BTBD9: variants seen among roughly 807,000 people sequenced by gnomAD.
BTBD9 encodes BTB/POZ domain-containing protein 9.
In BTBD9, 49 loss-of-function variants were observed where a neutral mutation model predicts 64.3. The observed-to-expected ratio is 0.76, with a 90% CI of 0.61 to 0.97. BTBD9 has a LOEUF of 0.97. Among genes scored for constraint, BTBD9 ranks in the 50% least tolerant of loss-of-function variants. The pLI is 0.00. For synonymous variants in BTBD9, 260 were observed against 274.7 expected (o/e 0.95, Z 0.53); for missense variants, 598 against 762.1 (o/e 0.78, Z 2.53).
At chr6:38,265,040 A>G (rs1048886810) in intron 8 of BTBD9, among the ~76,000 whole-genome samples, 1 of 152,100 alleles carries the variant, frequency 6.6e-6, no homozygotes, top group African/African-American at 2.4e-5. Context: ...ATAATGTTTA[A>G]TCTCTCATAT....
At chr6:38,197,237 C>T (rs1561860305) in intron 9 of BTBD9, among the ~76,000 whole-genome samples, 1 of 152,128 alleles carries the variant, frequency 6.6e-6, no homozygotes, top group Non-Finnish European at 1.5e-5. Flanking sequence ...AATCTGAATC[C>T]CATTTCAGAG....
At position 38,287,107 on chromosome 6, in the gene BTBD9, T is replaced by TATACACACAC. The variant is rs1554135418; in HGVS notation, c.1454+1155_1454+1164dup. On this transcript the variant is annotated intron_variant, in intron 8 of 10. Coordinates refer to ENST00000481247, the MANE Select transcript of BTBD9 (RefSeq NM_001099272.2). ...CAAAAAAAAAAAAAAAAAAAAAAAA[T>TATACACACAC]ATACACACACACACACACACACACA... 6.9e-5 allele frequency among the ~76,000 whole-genome samples: 4 copies of TATACACACAC among 57,566 alleles called. No individual in the cohort carries two copies. In the Admixed American group the frequency reaches 8.4e-4, roughly 12 times the overall value. The allele number at this position is 57,566 out of a possible 152,430, so 37.8% of individuals were successfully genotyped here.
intron 6 of BTBD9, among the ~76,000 whole-genome samples, chr6:38,369,437 C>T (rs1765325440): frequency 6.6e-6 from 1 of 152,206 alleles, no homozygotes; most frequent in African/African-American, 2.4e-5. Context: ...TGCCATCCCC[C>T]TCCCTACCTG....
Position 38,557,133 on chromosome 6 carries a change from A to C in BTBD9, c.1154+20467T>G, listed in dbSNP as rs1261932555. Among the ~76,000 whole-genome samples the C allele has an allele frequency of 1.4e-4, 20 of 143,822 alleles. No homozygotes were observed. The Admixed American group carries it at 1.4e-3, about 10-fold the overall frequency. The allele number at this position is 143,822 out of a possible 152,430, so 94.4% of individuals were successfully genotyped here. ...GAGGCCACGGTGGGCAGATCATGAG[A>C]TTGGGAGTTTGAGAACAGTCTGGCC... On this transcript the variant is annotated intron_variant, in intron 6 of 10. Coordinates refer to ENST00000481247, the MANE Select transcript of BTBD9 (RefSeq NM_001099272.2).
intron 1 of BTBD9, among the ~76,000 whole-genome samples, chr6:38,632,674 G>A (rs1464105383): frequency 6.6e-6 from 1 of 152,208 alleles, no homozygotes; most frequent in African/African-American, 2.4e-5. Flanking sequence ...ACTCACACCT[G>A]TAATCCCAGT....
intron 6 of BTBD9, among the ~76,000 whole-genome samples, chr6:38,351,352 A>G (rs1764498346): frequency 6.6e-6 from 1 of 152,198 alleles, no homozygotes; most frequent in African/African-American, 2.4e-5. Flanking sequence ...CACCTCCACT[A>G]TTCAACCTGA....
At chr6:38,271,638 TATCTAC>T (rs1278857899) in intron 8 of BTBD9, among the ~76,000 whole-genome samples, 2 of 151,960 alleles carry the variant, frequency 1.3e-5, no homozygotes, top group African/African-American at 4.8e-5. Flanking sequence ...AAACCTAAAA[TATCTAC>T]TACTTGTCCT....
At chr6:38,181,973 C>T (rs968055781) in intron 10 of BTBD9, among the ~76,000 whole-genome samples, 2 of 151,672 alleles carry the variant, frequency 1.3e-5, no homozygotes. Flanking sequence ...GGAGACAGAG[C>T]GAGACTCTGT....
chr6:38,451,587 A>G (rs1379814385), intron 6 of BTBD9, among the ~76,000 whole-genome samples: 1 of 152,172 alleles, frequency 6.6e-6, no homozygotes, highest in Admixed American at 6.5e-5. Flanking sequence ...AAGAGAGGCA[A>G]AAGAGTACAC....
intron 8 of BTBD9, among the ~76,000 whole-genome samples, chr6:38,278,974 C>A (rs1281511569): frequency 6.6e-6 from 1 of 152,182 alleles, no homozygotes; most frequent in Non-Finnish European, 1.5e-5. Context: ...TGCACTGAAT[C>A]TGATACATTG....
chr6:38,374,282 A>AT (rs1562095014), intron 6 of BTBD9, among the ~76,000 whole-genome samples: 1 of 34,550 alleles, frequency 2.9e-5, no homozygotes, highest in African/African-American at 2.7e-4. Context: ...AAAAAAAAAA[A>AT]GTATATATAT....
intron 6 of BTBD9, among the ~76,000 whole-genome samples, chr6:38,576,177 A>C (rs180996208): frequency 6.6e-6 from 1 of 152,240 alleles, no homozygotes; most frequent in Admixed American, 6.5e-5. Flanking sequence ...AATCAGATAC[A>C]ACAGTAATAA....
chr6:38,402,722 A>C lies in BTBD9; in HGVS notation c.1155-57629T>G. The C allele has an allele frequency of 4.4e-6, 3 of 677,090 alleles. No individual in the cohort carries two copies. In the South Asian group the frequency reaches 4.8e-5, roughly 11 times the overall value. The allele number at this position is 677,090 out of a possible 1,614,324, so 41.9% of individuals were successfully genotyped here. A position where few individuals can be genotyped will look rare whatever the true frequency, so the allele number is the denominator to read the frequency against. On this transcript the variant is annotated intron_variant, in intron 6 of 10. Transcript: ENST00000481247. ...AAAACTATAATACTTTTAGAAGAAA[A>C]TAGAGGTGTATGTTATCATAACCTT...
chr6:38,237,262 ATCTTT>A (rs1763809045), intron 9 of BTBD9, among the ~76,000 whole-genome samples: 1 of 152,244 alleles, frequency 6.6e-6, no homozygotes, highest in Non-Finnish European at 1.5e-5. Flanking sequence ...CAAGTAGTCT[ATCTTT>A]TCTTTTCTCC....
intron 8 of BTBD9, among the ~76,000 whole-genome samples, chr6:38,273,303 T>C (rs1414766628): frequency 6.6e-6 from 1 of 152,198 alleles, no homozygotes; most frequent in Non-Finnish European, 1.5e-5. Flanking sequence ...CCCCAGTGGA[T>C]GACTGAATCC....
intron 6 of BTBD9, among the ~76,000 whole-genome samples, chr6:38,385,739 G>A (rs775307484): frequency 2.7e-4 from 40 of 150,872 alleles, no homozygotes; most frequent in Non-Finnish European, 4.7e-4. Context: ...GAATCAACAT[G>A]CCTACAAAAA....
chr6:38,424,801 G>C (rs966500601), intron 6 of BTBD9, among the ~76,000 whole-genome samples: 1 of 151,690 alleles, frequency 6.6e-6, no homozygotes, highest in Non-Finnish European at 1.5e-5. Context: ...ACAGGCATGT[G>C]CCACCACACC....
chr6:38,609,626 A>AGTGGAC (rs1252393196), intron 1 of BTBD9, among the ~76,000 whole-genome samples: 2 of 152,236 alleles, frequency 1.3e-5, no homozygotes, highest in Non-Finnish European at 2.9e-5. Flanking sequence ...TCTAAAGGGT[A>AGTGGAC]GTGGACGGTT....
chr6:38,277,275 T>C (rs1301588807), intron 8 of BTBD9, among the ~76,000 whole-genome samples: 4 of 152,034 alleles, frequency 2.6e-5, no homozygotes, highest in Non-Finnish European at 2.9e-5. Flanking sequence ...ATATAATCAA[T>C]GAAGCCTCTC....
Sources: allele counts gnomAD v4.1 joint callset (sites outside exome capture counted in the v4.1 genomes callset), GRCh38; gene constraint gnomAD v4.1.1; transcripts MANE v1.5; gene names NCBI Gene and HGNC (gene_info 2026-07-23, HGNC 2026-07-21).